The following DMXL2 variants were observed in gnomAD, a reference collection of about 807,000 sequenced individuals.
DMXL2 encodes Dmx like 2.
DMXL2 carries 103 observed loss-of-function variants against 331.1 expected under a neutral mutation model. The observed-to-expected ratio is 0.31, with a 90% confidence interval of 0.27 to 0.37. The LOEUF (loss-of-function observed/expected upper bound fraction) is 0.37, where lower values mean the gene tolerates loss of function less well. Ranked by LOEUF, DMXL2 falls within the 10% of genes least tolerant of loss-of-function variation. DMXL2 has a pLI of 1.00. For missense variants in DMXL2, 3,171 were observed against 3,642.9 expected (o/e 0.87, Z 3.33); for synonymous variants, 1,281 against 1,252.1 (o/e 1.02, Z -0.49).
chr15:51,547,470 G>A, intron 6 of DMXL2, 62 bp from the exon 7 acceptor site: 1 of 1,203,472 alleles, frequency 8.3e-7, no homozygotes, highest in Non-Finnish European at 1.1e-6. Flanking sequence ...AATTTAAGTG[G>A]TTTGAAGAAG....
chr15:51,540,371 T>C (rs1247834292), intron 9 of DMXL2, among the ~76,000 whole-genome samples: 2 of 152,196 alleles, frequency 1.3e-5, no homozygotes, highest in Non-Finnish European at 2.9e-5. Flanking sequence ...GCAAATTCCC[T>C]TTTTACTAAA....
chr15:51,453,169 C>A, intron 41 of DMXL2: 1 of 178,524 alleles, frequency 5.6e-6, no homozygotes. Context: ...ACCAAAATCT[C>A]AGCAATCACC....
chr15:51,487,869 T>A (rs1595980168), intron 22 of DMXL2, 85 bp downstream of exon 22: 2 of 1,212,962 alleles, frequency 1.6e-6, no homozygotes, highest in East Asian at 2.6e-5. Flanking sequence ...AACAAACATA[T>A]GACCAAAAGT....
chr15:51,606,269 G>A (rs1293322277), intron 1 of DMXL2, among the ~76,000 whole-genome samples: 4 of 152,224 alleles, frequency 2.6e-5, no homozygotes, highest in African/African-American at 7.2e-5. Context: ...GTGCAGTGGC[G>A]CGATCTCAGC....
intron 28 of DMXL2, among the ~76,000 whole-genome samples, 178 bp from the exon 29 acceptor site, chr15:51,471,579 T>C (rs1295688976): frequency 6.6e-6 from 1 of 152,220 alleles, no homozygotes; most frequent in Non-Finnish European, 1.5e-5. Context: ...ATGGCAGAGA[T>C]ACAGATGGAG....
chr15:51,566,979 CTT>C, intron 3 of DMXL2: 1 of 150,688 alleles, frequency 6.6e-6, no homozygotes, highest in Non-Finnish European at 1.5e-5. Context: ...GGTAAGTGAG[CTT>C]TTTAAACTCC....
chr15:51,456,230 A>T (rs2039610128), intron 38 of DMXL2, 37 bp from the exon 39 acceptor site: 1 of 1,604,608 alleles, frequency 6.2e-7, no homozygotes, highest in Non-Finnish European at 8.5e-7. Flanking sequence ...ATAAGAAATT[A>T]AAGAGTTCCA....
At chr15:51,565,848 C>T (rs1454736061) in intron 3 of DMXL2, among the ~76,000 whole-genome samples, 3 of 152,086 alleles carry the variant, frequency 2.0e-5, no homozygotes, top group Non-Finnish European at 4.4e-5. Context: ...ACTGTTTAAA[C>T]GGTAATGCCA....
At chr15:51,523,597 A>G (rs1356727541) in intron 13 of DMXL2, among the ~76,000 whole-genome samples, 1 of 152,222 alleles carries the variant, frequency 6.6e-6, no homozygotes, top group Non-Finnish European at 1.5e-5. Context: ...TGCAAAATCT[A>G]ATGACTTCTG....
intron 6 of DMXL2, among the ~76,000 whole-genome samples, chr15:51,556,892 T>C (rs773478308): frequency 9.2e-5 from 14 of 152,092 alleles, no homozygotes; most frequent in Non-Finnish European, 1.8e-4. Flanking sequence ...AGTTTCTTTA[T>C]CTGAAAAAAA....
At chr15:51,616,301 C>T (rs8042840) in intron 1 of DMXL2, among the ~76,000 whole-genome samples, 72,266 of 151,688 alleles carry the variant, frequency 0.48, 17,602 homozygotes, top group Non-Finnish European at 0.52. Flanking sequence ...TTAAAGGAAG[C>T]CTCAGGAATC....
chr15:51,612,861 C>T (rs2054065962), intron 1 of DMXL2, among the ~76,000 whole-genome samples: 1 of 152,124 alleles, frequency 6.6e-6, no homozygotes, highest in Admixed American at 6.6e-5. Flanking sequence ...TTATTTCATC[C>T]CCCATCTATG....
chr15:51,527,446 G>A (rs1234890535), intron 13 of DMXL2, among the ~76,000 whole-genome samples: 1 of 150,302 alleles, frequency 6.7e-6, no homozygotes, highest in Non-Finnish European at 1.5e-5. Flanking sequence ...GAAGTCATCT[G>A]GGCCAGGCGT....
chr15:51,453,496 G>A (rs1334315639), intron 41 of DMXL2, 54 bp downstream of exon 41: 17 of 1,354,052 alleles, frequency 1.3e-5, no homozygotes, highest in Non-Finnish European at 1.6e-5. Context: ...TCTTGCTAAA[G>A]GTATGGATTT....
At chr15:51,612,542 C>T (rs930141858) in intron 1 of DMXL2, among the ~76,000 whole-genome samples, 1 of 152,038 alleles carries the variant, frequency 6.6e-6, no homozygotes, top group African/African-American at 2.4e-5. Flanking sequence ...GTGATGCCCC[C>T]CAAGCCGCAA....
chr15:51,478,615 G>A (rs770691500), intron 25 of DMXL2, among the ~76,000 whole-genome samples: 10 of 152,158 alleles, frequency 6.6e-5, no homozygotes, highest in Middle Eastern at 3.4e-3. Context: ...TGAGCAAAGT[G>A]CTAATGTTCA....
At chr15:51,509,777 CCCTGATGAACATCAATGCGAAAAA>C (rs1279849004) in intron 15 of DMXL2, among the ~76,000 whole-genome samples, 4 of 152,266 alleles carry the variant, frequency 2.6e-5, no homozygotes, top group African/African-American at 9.6e-5. Context: ...AGGCCAATAT[CCCTGATGAACATCAATGCGAAAAA>C]CCTCAATAAA....
intron 4 of DMXL2, among the ~76,000 whole-genome samples, chr15:51,564,748 T>C (rs1156393153): frequency 1.3e-5 from 2 of 152,262 alleles, no homozygotes; most frequent in East Asian, 1.9e-4. Context: ...AATTTCCTGA[T>C]ACAAATGATA....
chr15:51,551,216 T>G (rs1447709012), intron 6 of DMXL2, among the ~76,000 whole-genome samples: 1 of 152,114 alleles, frequency 6.6e-6, no homozygotes, highest in Non-Finnish European at 1.5e-5. Flanking sequence ...GAAAATAGCT[T>G]TTTCAATCCA....
Sources: gnomAD v4.1 joint callset for allele counts (sites outside exome capture counted in the v4.1 genomes callset) on GRCh38, gnomAD v4.1.1 for gene constraint, MANE v1.5 for transcripts, NCBI Gene and HGNC (gene_info 2026-07-23, HGNC 2026-07-21) for gene names.